Variants in TNS1 observed in about 807,000 individuals in gnomAD.
The protein encoded by TNS1 is tensin-1.
TNS1 carries 62 observed loss-of-function variants against 168.6 expected under a neutral mutation model. The observed-to-expected ratio is 0.37, with a 90% CI of 0.30 to 0.45. The LOEUF is 0.45. Among genes scored for constraint, TNS1 ranks in the 20% least tolerant of loss-of-function variants. TNS1 has a pLI of 1.00. For synonymous variants in TNS1, 934 were observed against 933.2 expected, an observed-to-expected ratio of 1.00 and a Z score of -0.02; for missense variants, 2,240 against 2,339.4, an observed-to-expected ratio of 0.96 and a Z score of 0.88.
At chr2:217,914,049 CCTG>C (rs879782069) in intron 4 of TNS1, among the ~76,000 whole-genome samples, 8,040 of 152,168 alleles carry the variant, frequency 0.053, 464 homozygotes, top group African/African-American at 0.14. Flanking sequence ...CTGTTTCAGC[CCTG>C]CTACCTTCCA....
At position 217,986,493 on chromosome 2, in the gene TNS1, G is replaced by A. The variant is rs1958195306; in HGVS notation, c.148+4449C>T. On this transcript the variant is annotated intron_variant, in intron 2 of 32. Transcript: ENST00000682258. This position sits in a 1 kb window ranked among gnomAD's most constrained non-coding sequence, Gnocchi z 4.7. ...TGAGCTGCCATCCTGGTATCTTCCT[G>A]TGGGTTTCGGCCTGGTGGGAGGTAG... is the stretch of plus-strand genomic sequence containing the variant. Among the ~76,000 whole-genome samples, 1 of 152,210 alleles carries A rather than the reference G, an allele frequency of 6.6e-6. No individual in the cohort carries two copies. Among genetic ancestry groups the A allele is most frequent in the Non-Finnish European group, 1.5e-5 (1 of 68,032 alleles).
At chr2:217,853,446 G>T (rs1301047083) in intron 18 of TNS1, among the ~76,000 whole-genome samples, 1 of 152,156 alleles carries the variant, frequency 6.6e-6, no homozygotes, top group Non-Finnish European at 1.5e-5. Flanking sequence ...ATGTTTGGGG[G>T]CTGTGGGCAT....
At position 217,892,831 on chromosome 2, in the gene TNS1, C is replaced by G. The variant is rs145700614; in HGVS notation, c.782+117G>C. 276 of 1,200,174 alleles carry G rather than the reference C, an allele frequency of 2.3e-4. No homozygotes were observed. In the African/African-American group the frequency reaches 3.8e-3, roughly 17 times the overall value. 74.3% of individuals were successfully genotyped at this position (1,200,174 alleles called of 1,614,324 possible). ...GCCCCTTCCCCCGTCCTCATCGCTT[C>G]TCATTCCCTCTGTGCGTATCCCCTC... On this transcript the variant is annotated intron_variant, in intron 11 of 32. Coordinates refer to ENST00000682258, the MANE Select transcript of TNS1 (RefSeq NM_001387777.1).
At position 217,816,501 on chromosome 2, in the gene TNS1, C is replaced by T. The variant is rs541280899; in HGVS notation, c.4642+1189G>A. Among the ~76,000 whole-genome samples the T allele has an allele frequency of 1.1e-3, 163 of 152,272 alleles. 1 individual carries two copies. Among genetic ancestry groups the T allele is most frequent in the African/African-American group, 3.8e-3 (157 of 41,548 alleles). ...AGCTCCCTTTCCTGGCAGCCGTGTG[C>T]TAAGGAAGGTCTCTGGGTTAGGCAG... On this transcript the variant is annotated intron_variant, in intron 24 of 32. Transcript: ENST00000682258.
intron 3 of TNS1, among the ~76,000 whole-genome samples, chr2:217,922,383 G>A (rs1465774036): frequency 6.6e-6 from 1 of 152,134 alleles, no homozygotes; most frequent in Non-Finnish European, 1.5e-5. Flanking sequence ...TCAGTCCTGG[G>A]GGAGGGAGTA....
intron 4 of TNS1, among the ~76,000 whole-genome samples, chr2:217,918,355 G>C (rs890052): frequency 2.6e-5 from 4 of 152,142 alleles, no homozygotes; most frequent in African/African-American, 9.6e-5. Context: ...CTGGGGAGGC[G>C]GGTTGTGACT....
intron 30 of TNS1, chr2:217,809,564 GATGGATGGATGGATAGGTGC>G (rs1559141612): frequency 0.013 from 2,639 of 196,930 alleles, 692 homozygotes; most frequent in African/African-American, 0.036. Context: ...TGGATGGATG[GATGGATGGATGGATAGGTGC>G]ATGGATGGAT....
At chr2:218,007,802 G>A (rs957027978), upstream of TNS1, among the ~76,000 whole-genome samples, 6 of 152,006 alleles carry the variant, frequency 3.9e-5, 1 homozygote, top group South Asian at 8.3e-4. Flanking sequence ...TCTGAGTCCC[G>A]GGTGCCCAGA....
At position 218,032,431 on chromosome 2, in the gene TNS1, C is replaced by T. The variant is rs879211358; in HGVS notation, c.156+1389G>A. Among the ~76,000 whole-genome samples, 5 of 152,002 alleles carry T rather than the reference C, an allele frequency of 3.3e-5. No individual in the cohort carries two copies. The highest frequency in any genetic ancestry group is 2.1e-4 in the South Asian group (1 of 4,816). On this transcript the variant is annotated intron_variant, in intron 1 of 1. Coordinates refer to the TNS1 transcript ENST00000649572. The surrounding 1 kb of genome is among the most constrained non-coding windows in gnomAD (Gnocchi z 4.0). ...CTGTGCTGAGGGGACAGGAGAATAG[C>T]GAGGCTGGGTGTGGACACAGGCAGC...
At position 217,817,830 on chromosome 2, in the gene TNS1, C is replaced by T. The variant is rs750292210; in HGVS notation, c.4502G>A (p.Arg1501Gln). 23 of 1,614,114 alleles carry T rather than the reference C, an allele frequency of 1.4e-5. 1 individual carries two copies. The highest frequency in any genetic ancestry group is 1.3e-4 in the South Asian group (12 of 91,094). ...PEKRRMSVGD[R>Q]AGSLPNYATI... ...GGCATAGTTGGGGAGGCTGCCTGCCCGGTCTCCCACTGACATCCTTCGCTT... is the reference window on the plus strand; with the variant it reads ...GGCATAGTTGGGGAGGCTGCCTGCCTGGTCTCCCACTGACATCCTTCGCTT... The change falls in exon 24 of 33, where the codon CGG becomes CAG. Residue 1501 changes from arginine to glutamine, a missense_variant. Around this residue, in one of 2 missense-constraint regions of TNS1, gnomAD observed 2,131 missense variants for 2,171.2 expected, o/e 0.98. Transcript: ENST00000682258.
intron 24 of TNS1, 101 bp downstream of exon 24, chr2:217,817,589 G>A (rs958490644): frequency 1.5e-5 from 15 of 1,029,522 alleles, no homozygotes; most frequent in Middle Eastern, 2.5e-4. Flanking sequence ...ACCCAGGGTC[G>A]TCTGCCAAGA....
chr2:218,030,445 T>C (rs1455098070), intron 1 of TNS1, among the ~76,000 whole-genome samples: 1 of 152,148 alleles, frequency 6.6e-6, no homozygotes, highest in African/African-American at 2.4e-5. Context: ...CTGTTCCATC[T>C]CTCCCACTGG....
Position 217,831,459 on chromosome 2 carries a change from T to C in TNS1, c.3369A>G (p.Thr1123=), listed in dbSNP as rs542261798. 2 of 1,583,646 alleles carry C rather than the reference T, an allele frequency of 1.3e-6. No individual in the cohort carries two copies. Among genetic ancestry groups the C allele is most frequent in the East Asian group, 2.4e-5 (1 of 42,390 alleles). The part of the protein sequence containing the change: ...HNPADILLHP[T]GEPRSYVESV... ...TCTTCCCTCTTCCCAACTCACCTCC[T>C]GTGGGGTGCAACAGGATGTCCGCTG... Residue 1123 remains threonine (T), a synonymous_variant, in exon 22 of 33, where the codon ACA becomes ACG. Transcript: ENST00000682258.
At chr2:217,951,780 C>G (rs951626504) in intron 3 of TNS1, among the ~76,000 whole-genome samples, 1 of 152,230 alleles carries the variant, frequency 6.6e-6, no homozygotes, top group Admixed American at 6.5e-5. Flanking sequence ...CACACACACA[C>G]AGCCACGCAA....
chr2:217,910,164 C>T (rs1954199966), intron 4 of TNS1, among the ~76,000 whole-genome samples: 1 of 152,144 alleles, frequency 6.6e-6, no homozygotes, highest in Non-Finnish European at 1.5e-5. Context: ...CTCAGCAGTG[C>T]AAGAGAAACT....
chr2:217,968,838 C>A (rs921192071), intron 3 of TNS1, among the ~76,000 whole-genome samples: 5 of 152,112 alleles, frequency 3.3e-5, no homozygotes, highest in Non-Finnish European at 7.4e-5. Context: ...GGGTTTACAG[C>A]TGTGCACCAC....
At chr2:217,946,965 T>TCACACA (rs1434475994) in intron 3 of TNS1, among the ~76,000 whole-genome samples, 78 of 130,652 alleles carry the variant, frequency 6.0e-4, no homozygotes, top group African/African-American at 1.8e-3. Flanking sequence ...TCTCTCTCTC[T>TCACACA]CTCTCACACA....
intron 3 of TNS1, among the ~76,000 whole-genome samples, chr2:217,955,434 C>A (rs766619385): frequency 6.6e-6 from 1 of 152,128 alleles, no homozygotes; most frequent in Non-Finnish European, 1.5e-5. Flanking sequence ...GCCTTCCTCC[C>A]GCACAGTGCC....
intron 19 of TNS1, among the ~76,000 whole-genome samples, chr2:217,846,690 C>T (rs1946693726): frequency 6.6e-6 from 1 of 152,238 alleles, no homozygotes; most frequent in African/African-American, 2.4e-5. Flanking sequence ...AAGGGAACCT[C>T]GCAGCTGTCT....
Sources: gnomAD v4.1 joint callset for allele counts (sites outside exome capture counted in the v4.1 genomes callset) on GRCh38, gnomAD v4.1.1 for gene constraint, gnomAD v4.1.1 regional missense constraint, Gnocchi (gnomAD v3.1) non-coding constraint, MANE v1.5 for transcripts, NCBI Gene and HGNC (gene_info 2026-07-23, HGNC 2026-07-21) for gene names.